SLCO1B3: variants seen among roughly 807,000 people sequenced by gnomAD.
SLCO1B3 encodes liver-specific organic anion transporter 2.
A neutral mutation model predicts 71.8 loss-of-function variants in SLCO1B3; 72 were observed. That is an observed-to-expected ratio of 1.00 (90% CI 0.83 to 1.22). The LOEUF (loss-of-function observed/expected upper bound fraction) is 1.22. SLCO1B3 is among the 50% of genes most tolerant of loss of function. SLCO1B3 has a pLI of 0.00. For missense variants in SLCO1B3, 911 were observed against 819.7 expected, an observed-to-expected ratio of 1.11 and a Z score of -1.36; for synonymous variants, 298 against 278.4, an observed-to-expected ratio of 1.07 and a Z score of -0.70.
chr12:20,847,386 G>C (rs1320331411), intron 3 of SLCO1B3, among the ~76,000 whole-genome samples: 1 of 152,104 alleles, frequency 6.6e-6, no homozygotes, highest in Non-Finnish European at 1.5e-5. Context: ...GATGGGATTT[G>C]TGCCCTTAGA....
At chr12:20,857,398 A>G (rs931626919) in intron 4 of SLCO1B3, among the ~76,000 whole-genome samples, 7 of 151,926 alleles carry the variant, frequency 4.6e-5, no homozygotes, top group Admixed American at 1.3e-4. Flanking sequence ...GATAAATAAT[A>G]TATTTTCTGA....
At chr12:20,823,401 A>G (rs1042398765) in intron 3 of SLCO1B3, among the ~76,000 whole-genome samples, 7 of 152,220 alleles carry the variant, frequency 4.6e-5, no homozygotes, top group African/African-American at 1.4e-4. Flanking sequence ...ACTTTATTTC[A>G]TATTGTAGAA....
At chr12:20,907,578 G>A (rs1206977842) in intron 15 of SLCO1B3, among the ~76,000 whole-genome samples, 2 of 146,874 alleles carry the variant, frequency 1.4e-5, no homozygotes, top group African/African-American at 2.5e-5. Context: ...GCGAAATCTC[G>A]GCTCACTGCA....
chr12:20,818,635 T>C (rs1434323584), intron 3 of SLCO1B3, among the ~76,000 whole-genome samples: 1 of 152,164 alleles, frequency 6.6e-6, no homozygotes. Flanking sequence ...TAAGAAGTTA[T>C]TTCCTTGAGG....
intron 3 of SLCO1B3, among the ~76,000 whole-genome samples, chr12:20,849,063 A>G (rs1400870588): frequency 6.6e-6 from 1 of 152,014 alleles, no homozygotes. Context: ...GTGTGTGGAT[A>G]GAGGGAATAT....
intron 13 of SLCO1B3, among the ~76,000 whole-genome samples, chr12:20,894,774 C>T (rs1301410421): frequency 6.6e-6 from 1 of 152,086 alleles, no homozygotes; most frequent in Admixed American, 6.6e-5. Flanking sequence ...TCTTCTTGAC[C>T]ATCTCTTTAT....
At chr12:20,831,348 C>T (rs574390484) in intron 3 of SLCO1B3, among the ~76,000 whole-genome samples, 46 of 94,076 alleles carry the variant, frequency 4.9e-4, no homozygotes, top group Admixed American at 1.5e-3. Flanking sequence ...CAGAGCGAGA[C>T]GCCATATCAA....
intron 5 of SLCO1B3, 184 bp downstream of exon 5, chr12:20,858,755 T>C (rs1483187316): frequency 7.5e-6 from 3 of 397,512 alleles, no homozygotes; most frequent in East Asian, 7.9e-5. Context: ...CATGTATTTC[T>C]TTATTTATCA....
At chr12:20,825,656 A>G (rs1864404756) in intron 3 of SLCO1B3, among the ~76,000 whole-genome samples, 1 of 151,926 alleles carries the variant, frequency 6.6e-6, no homozygotes, top group Admixed American at 6.6e-5. Flanking sequence ...AAAATTAGCC[A>G]GATGTGGTGG....
intron 3 of SLCO1B3, among the ~76,000 whole-genome samples, chr12:20,819,936 C>G (rs958697279): frequency 4.6e-5 from 7 of 151,882 alleles, no homozygotes; most frequent in Non-Finnish European, 8.8e-5. Context: ...CGGCTGTAGT[C>G]CAGGAATAGT....
intron 3 of SLCO1B3, among the ~76,000 whole-genome samples, chr12:20,841,867 T>C (rs184102110): frequency 3.8e-4 from 55 of 143,746 alleles, no homozygotes; most frequent in Admixed American, 1.8e-3. Flanking sequence ...TGCATATTCT[T>C]TGAATTGTTG....
rs1390441673 is a variant in SLCO1B3, at chr12:20,909,290, C to T, written c.1866-6714C>T. ...ACGCCATTCTTCCACCTCAGCCTCC[C>T]GAGTAGCTGGGACTACAGGCACCCA... On this transcript the variant is annotated intron_variant, in intron 15 of 15. Coordinates refer to ENST00000381545, the MANE Select transcript of SLCO1B3 (RefSeq NM_019844.4). 4.0e-5 allele frequency among the ~76,000 whole-genome samples: 6 copies of T among 150,192 alleles called. 1 individual carries two copies. The highest frequency in any genetic ancestry group is 2.1e-4 in the South Asian group (1 of 4,756).
chr12:20,822,934 T>C (rs940529089), intron 3 of SLCO1B3, among the ~76,000 whole-genome samples: 5 of 152,168 alleles, frequency 3.3e-5, no homozygotes, highest in African/African-American at 7.2e-5. Flanking sequence ...GAAGAAAGCA[T>C]TTTAGAAGAA....
chr12:20,873,534 G>A (rs893356183), intron 8 of SLCO1B3, among the ~76,000 whole-genome samples: 1 of 152,300 alleles, frequency 6.6e-6, no homozygotes, highest in South Asian at 2.1e-4. Context: ...GTAGCACTTG[G>A]AAAGGTTGAA....
At chr12:20,814,314 A>C (rs539637834) in intron 2 of SLCO1B3, among the ~76,000 whole-genome samples, 1 of 152,248 alleles carries the variant, frequency 6.6e-6, no homozygotes, top group South Asian at 2.1e-4. Context: ...TTTGACTTCA[A>C]AACTTCACTT....
rs753817906 is a variant in SLCO1B3 at position 20,875,464 on chromosome 12, C to CA, written c.962dup (p.Asn321LysfsTer41). 1.9e-6 allele frequency: 3 copies of CA among 1,600,852 alleles called. No homozygotes were observed. The Admixed American group carries it at 5.4e-5, about 29-fold the overall frequency. ...TGACCAACCAAGGAAAAAATGTTAC[C>CA]AAAAATGTGACTGGTAGGTATTTGA... is the stretch of plus-strand genomic sequence containing the variant. On this transcript the variant is annotated frameshift_variant, in exon 9 of 16. Coordinates refer to ENST00000381545, the MANE Select transcript of SLCO1B3 (RefSeq NM_019844.4). LOFTEE classifies it high-confidence loss of function.
At chr12:20,903,471 C>T (rs1048094102) in intron 15 of SLCO1B3, among the ~76,000 whole-genome samples, 1 of 152,148 alleles carries the variant, frequency 6.6e-6, no homozygotes, top group Non-Finnish European at 1.5e-5. Context: ...TTAATTAACT[C>T]CCAGTTCCAC....
chr12:20,879,974 T>C (rs1865658703), intron 11 of SLCO1B3, among the ~76,000 whole-genome samples: 1 of 151,948 alleles, frequency 6.6e-6, no homozygotes, highest in South Asian at 2.1e-4. Context: ...AGACACAAAT[T>C]TGAGCTATTA....
At chr12:20,892,629 G>A (rs2121343491) in intron 13 of SLCO1B3, among the ~76,000 whole-genome samples, 2 of 152,214 alleles carry the variant, frequency 1.3e-5, no homozygotes, top group Non-Finnish European at 2.9e-5. Flanking sequence ...GAAGAATATT[G>A]AACTTTTTTC....
Sources: allele counts gnomAD v4.1 joint callset (sites outside exome capture counted in the v4.1 genomes callset), GRCh38; gene constraint gnomAD v4.1.1; transcripts MANE v1.5; gene names NCBI Gene and HGNC (gene_info 2026-07-23, HGNC 2026-07-21).